BCR: variants seen among roughly 807,000 people sequenced by gnomAD.
BCR encodes the protein breakpoint cluster region protein.
Under a neutral mutation model 138.6 loss-of-function variants are expected in BCR, and 58 were observed. That is an observed-to-expected ratio of 0.42 (90% CI 0.34 to 0.52). The LOEUF (loss-of-function observed/expected upper bound fraction) is 0.52, where lower values mean the gene tolerates loss of function less well. Ranked by LOEUF, BCR falls within the 20% of genes least tolerant of loss-of-function variation. BCR has a pLI of 0.06. For missense variants in BCR, 1,599 were observed against 1,727.2 expected (o/e 0.93, Z 1.32); for synonymous variants, 786 against 730.1 (o/e 1.08, Z -1.23).
chr22:23,284,271 C>CCA (rs2073684042), intron 9 of BCR, among the ~76,000 whole-genome samples, 173 bp downstream of exon 9: 6 of 152,038 alleles, frequency 3.9e-5, no homozygotes, highest in Non-Finnish European at 8.8e-5. Context: ...CTGGAGACGT[C>CCA]ATGGGGCATC....
intron 12 of BCR, among the ~76,000 whole-genome samples, chr22:23,288,982 C>G (rs1256003489): frequency 6.6e-6 from 1 of 152,218 alleles, no homozygotes; most frequent in Non-Finnish European, 1.5e-5. Flanking sequence ...CCACCGTGGC[C>G]TGGGGGATCA....
At chr22:23,198,020 G>A (rs561105264) in intron 1 of BCR, among the ~76,000 whole-genome samples, 1 of 152,308 alleles carries the variant, frequency 6.6e-6, no homozygotes, top group East Asian at 1.9e-4. Flanking sequence ...GGAGTGGAGG[G>A]CCGGAGCAGG....
intron 1 of BCR, among the ~76,000 whole-genome samples, chr22:23,222,270 AACAGG>A (rs2072833657): frequency 1.3e-5 from 2 of 152,232 alleles, no homozygotes; most frequent in Admixed American, 6.5e-5. Flanking sequence ...TTGCAGAGTG[AACAGG>A]TGACACACCT....
At chr22:23,271,619 T>C (rs760737266) in intron 6 of BCR, 27 bp downstream of exon 6, 4 of 1,608,666 alleles carry the variant, frequency 2.5e-6, no homozygotes. Context: ...GAGGTCTCTG[T>C]GTGCCCTCGT....
chr22:23,206,837 T>C (rs1568933189), intron 1 of BCR, among the ~76,000 whole-genome samples: 1 of 152,140 alleles, frequency 6.6e-6, no homozygotes, highest in South Asian at 2.1e-4. Flanking sequence ...TATCTATTTA[T>C]CTATCCACCC....
chr22:23,253,697 G>C (rs564946802), intron 1 of BCR, 102 bp from the exon 2 acceptor site: 1 of 1,406,732 alleles, frequency 7.1e-7, no homozygotes, highest in Non-Finnish European at 9.7e-7. Context: ...TGAGATGCCT[G>C]TTGGGGACAG....
intron 16 of BCR, among the ~76,000 whole-genome samples, chr22:23,297,214 G>GTTTTT (rs200181094): frequency 1.2e-5 from 1 of 85,560 alleles, no homozygotes; most frequent in Admixed American, 1.2e-4. Flanking sequence ...GTTGTTTTTT[G>GTTTTT]TTTTTTGTTT....
chr22:23,200,270 G>A (rs1020146373), intron 1 of BCR, among the ~76,000 whole-genome samples: 2 of 152,164 alleles, frequency 1.3e-5, no homozygotes, highest in Non-Finnish European at 2.9e-5. Flanking sequence ...GTCTGTCCCT[G>A]ACTGCACTTT....
At chr22:23,206,845 C>T (rs9712808) in intron 1 of BCR, among the ~76,000 whole-genome samples, 1 of 152,088 alleles carries the variant, frequency 6.6e-6, no homozygotes, top group African/African-American at 2.4e-5. Context: ...TATCTATCCA[C>T]CCATCCATCC....
chr22:23,208,383 A>G (rs1031902288), intron 1 of BCR, among the ~76,000 whole-genome samples: 1 of 151,620 alleles, frequency 6.6e-6, no homozygotes, highest in African/African-American at 2.4e-5. Context: ...GGACTGTGGG[A>G]GATAGTCATT....
chr22:23,277,041 G>A (rs565974159), intron 8 of BCR, among the ~76,000 whole-genome samples: 1 of 152,230 alleles, frequency 6.6e-6, no homozygotes, highest in Non-Finnish European at 1.5e-5. Context: ...GGTGACGGGC[G>A]AGCTCCCCTG....
chr22:23,247,855 C>T (rs1003130715), intron 1 of BCR, among the ~76,000 whole-genome samples: 1 of 152,198 alleles, frequency 6.6e-6, no homozygotes, highest in Non-Finnish European at 1.5e-5. Context: ...CTAAGCAGAA[C>T]ATCAAGGTTC....
At chr22:23,188,018 G>A (rs2072368344) in intron 1 of BCR, among the ~76,000 whole-genome samples, 1 of 152,198 alleles carries the variant, frequency 6.6e-6, no homozygotes, top group African/African-American at 2.4e-5. Flanking sequence ...TGATGGGCTG[G>A]ACTGGCAACC....
chr22:23,302,804 A>C (rs890957562), intron 16 of BCR: 10 of 152,172 alleles, frequency 6.6e-5, no homozygotes, highest in African/African-American at 1.7e-4. Flanking sequence ...GCCGCCACCT[A>C]CTTGGCGTGA....
At chr22:23,276,881 T>A (rs2073584037) in intron 8 of BCR, among the ~76,000 whole-genome samples, 1 of 152,232 alleles carries the variant, frequency 6.6e-6, no homozygotes, top group East Asian at 1.9e-4. Flanking sequence ...ACCCTTTTGC[T>A]TCCCTGGGTG....
At chr22:23,235,421 C>A (rs1484048465) in intron 1 of BCR, among the ~76,000 whole-genome samples, 2 of 144,664 alleles carry the variant, frequency 1.4e-5, no homozygotes, top group African/African-American at 4.9e-5. Flanking sequence ...TGTGCTGTTG[C>A]CCTGCCCTCT....
chr22:23,291,460 A>C (rs1019555051), intron 14 of BCR, among the ~76,000 whole-genome samples: 1 of 151,880 alleles, frequency 6.6e-6, no homozygotes, highest in Non-Finnish European at 1.5e-5. Flanking sequence ...TCATAACATA[A>C]TCTTTCTCCT....
intron 1 of BCR, among the ~76,000 whole-genome samples, chr22:23,253,222 A>G (rs1209922924): frequency 6.6e-6 from 1 of 152,212 alleles, no homozygotes; most frequent in African/African-American, 2.4e-5. Context: ...CATTTTCAGC[A>G]ACCTGGAAGC....
At chr22:23,218,021 C>G (rs2072777060) in intron 1 of BCR, among the ~76,000 whole-genome samples, 1 of 152,214 alleles carries the variant, frequency 6.6e-6, no homozygotes, top group Non-Finnish European at 1.5e-5. Flanking sequence ...GGGCCTGGCT[C>G]CTGGGAAACT....
Sources: gnomAD v4.1 joint callset for allele counts (sites outside exome capture counted in the v4.1 genomes callset) on GRCh38, gnomAD v4.1.1 for gene constraint, MANE v1.5 for transcripts, NCBI Gene and HGNC (gene_info 2026-07-23, HGNC 2026-07-21) for gene names.